The following BNIP3L variants were observed in gnomAD, a reference collection of about 807,000 sequenced individuals.
BNIP3L encodes the protein BCL2/adenovirus E1B 19 kDa protein-interacting protein 3-like.
In BNIP3L, 10 loss-of-function variants were observed where a neutral mutation model predicts 25.5. The observed-to-expected ratio is 0.39, with a 90% CI of 0.24 to 0.67. The LOEUF is 0.67. BNIP3L is among the 30% of genes least tolerant of loss of function. BNIP3L has a pLI of 0.45. For synonymous variants in BNIP3L, 113 were observed against 101.2 expected, an observed-to-expected ratio of 1.12 and a Z score of -0.70; for missense variants, 215 against 270.9, an observed-to-expected ratio of 0.79 and a Z score of 1.45.
chr8:26,383,067 TG>T lies in BNIP3L; in HGVS notation c.-63del. The T allele has an allele frequency of 6.9e-7, 1 of 1,450,524 alleles. No homozygotes were observed. 89.9% of individuals were successfully genotyped at this position (1,450,524 alleles called of 1,614,324 possible). A position where few individuals can be genotyped will look rare whatever the true frequency, so the allele number is the denominator to read the frequency against. On this transcript the variant is annotated 5_prime_UTR_variant, in exon 1 of 6. Coordinates refer to ENST00000380629, the MANE Select transcript of BNIP3L (RefSeq NM_004331.3). ...AAAGGGGGCGGCGGACTCGGCTTGT[TG>T]TGTTGCTGCCTGAGTGCCGGAGACG...
Position 26,410,580 on chromosome 8 carries a change from AGGC to A in BNIP3L, c.*169_*171del. Reference sequence around the variant, plus strand: ...TCAATATTTTATTCAAACTCTGTTGAGGCATTTTACTAACCTTATACCCTTTTT... The same window carrying A: ...TCAATATTTTATTCAAACTCTGTTGAATTTTACTAACCTTATACCCTTTTT... On this transcript the variant is annotated 3_prime_UTR_variant, in exon 6 of 6. Coordinates refer to ENST00000380629, the MANE Select transcript of BNIP3L (RefSeq NM_004331.3). 3.8e-6 allele frequency: 3 copies of A among 799,348 alleles called. No homozygotes were observed. The highest frequency in any genetic ancestry group is 6.1e-6 in the Non-Finnish European group (3 of 488,960). 49.5% of individuals were successfully genotyped at this position (799,348 alleles called of 1,614,324 possible). A position where few individuals can be genotyped will look rare whatever the true frequency, so the allele number is the denominator to read the frequency against.
At chr8:26,390,354 C>G in intron 1 of BNIP3L, 3 of 985,284 alleles carry the variant, frequency 3.0e-6, no homozygotes, top group Non-Finnish European at 3.6e-6. Flanking sequence ...GGCACATCCC[C>G]TTTTTCTGTG....
intron 3 of BNIP3L, among the ~76,000 whole-genome samples, chr8:26,398,040 C>A (rs1442924910): frequency 1.8e-5 from 1 of 55,508 alleles, no homozygotes; most frequent in Non-Finnish European, 3.6e-5. Flanking sequence ...TTTAACACCC[C>A]ACTGTCAATA....
rs762428839 is a variant in BNIP3L at position 26,383,119 on chromosome 8, A to C, written c.-12A>C. The C allele has an allele frequency of 6.2e-7, 1 of 1,601,998 alleles. No homozygotes were observed. The highest frequency in any genetic ancestry group is 1.1e-5 in the South Asian group (1 of 89,972). The stretch of plus-strand genomic sequence containing the variant: ...GTCCTGCTGCTGCCGCAGTCCTGCC[A>C]GCTGTCCGACAATGTCGTCCCACCT... On this transcript the variant is annotated 5_prime_UTR_variant, in exon 1 of 6. Coordinates refer to ENST00000380629, the MANE Select transcript of BNIP3L (RefSeq NM_004331.3).
chr8:26,402,058 A>G (rs1265572070), intron 3 of BNIP3L, among the ~76,000 whole-genome samples: 3 of 152,190 alleles, frequency 2.0e-5, no homozygotes, highest in South Asian at 2.1e-4. Context: ...TCGGGTTCTC[A>G]CTATTCTGTG....
rs1160227676 is a variant in BNIP3L, at chr8:26,407,013, G to C, written c.358-987G>C. 6.3e-5 allele frequency among the ~76,000 whole-genome samples: 9 copies of C among 143,972 alleles called. No homozygotes were observed. The East Asian group carries it at 1.8e-3, about 29-fold the overall frequency. 94.5% of individuals were successfully genotyped at this position (143,972 alleles called of 152,430 possible). A position where few individuals can be genotyped will look rare whatever the true frequency, so the allele number is the denominator to read the frequency against. On this transcript the variant is annotated intron_variant, in intron 3 of 5. Transcript: ENST00000380629. The stretch of plus-strand genomic sequence containing the variant: ...TTTTTTTTTTTCTTTTTTTTGTTGA[G>C]ATGGAATCTCACTCTATCACCCAGG...
intron 3 of BNIP3L, chr8:26,396,013 A>T (rs1484395380): frequency 1.3e-5 from 2 of 152,026 alleles, no homozygotes; most frequent in Non-Finnish European, 2.9e-5. Flanking sequence ...CAGCAGTCTG[A>T]GATCAAACTG....
chr8:26,383,326 C>T lies in BNIP3L; in HGVS notation c.100+96C>T, dbSNP rs111642068. 3.7e-4 allele frequency: 558 copies of T among 1,517,732 alleles called. 11 individuals are homozygous for T. The African/African-American group carries it at 6.8e-3, about 19-fold the overall frequency. 94.0% of individuals were successfully genotyped at this position (1,517,732 alleles called of 1,614,324 possible). A position where few individuals can be genotyped will look rare whatever the true frequency, so the allele number is the denominator to read the frequency against. ...CGGCGCGGGAGGCGGGAGGAGAAGG[C>T]AGCTCATTGGCTCAGGCATGGGATG... On this transcript the variant is annotated intron_variant, in intron 1 of 5. Transcript: ENST00000380629.
In BNIP3L at chr8:26,408,207, C is replaced by T. The variant is rs1806542579; in HGVS notation, c.462-20C>T. 2.5e-6 allele frequency: 4 copies of T among 1,612,418 alleles called. No individual in the cohort carries two copies. The highest frequency in any genetic ancestry group is 1.3e-5 in the African/African-American group (1 of 74,856). ...CGATATTTTCAGCAAATGACATCTGCCTCTGAATTTCTTTCTCAGGGAGTT... is the reference window on the plus strand; with the variant it reads ...CGATATTTTCAGCAAATGACATCTGTCTCTGAATTTCTTTCTCAGGGAGTT... On this transcript the variant is annotated intron_variant, in intron 4 of 5. Coordinates refer to ENST00000380629, the MANE Select transcript of BNIP3L (RefSeq NM_004331.3).
intron 2 of BNIP3L, among the ~76,000 whole-genome samples, chr8:26,392,448 A>C (rs1022905005): frequency 7.2e-5 from 11 of 152,202 alleles, no homozygotes; most frequent in Non-Finnish European, 1.6e-4. Flanking sequence ...TACTTATCAG[A>C]AGAAGTGAAA....
chr8:26,389,757 G>A (rs1806064735), intron 1 of BNIP3L, among the ~76,000 whole-genome samples: 2 of 152,222 alleles, frequency 1.3e-5, no homozygotes, highest in East Asian at 1.9e-4. Context: ...CACACAGGTA[G>A]ACAGGAAGTG....
In BNIP3L at chr8:26,411,450, A is replaced by G. The variant is rs748856343; in HGVS notation, c.*1038A>G. The G allele has an allele frequency of 2.6e-5, 4 of 152,252 alleles. No individual in the cohort carries two copies. The highest frequency in any genetic ancestry group is 4.8e-5 in the African/African-American group (2 of 41,462). 9.4% of individuals were successfully genotyped at this position (152,252 alleles called of 1,614,324 possible). On this transcript the variant is annotated 3_prime_UTR_variant, in exon 6 of 6. Coordinates refer to ENST00000380629, the MANE Select transcript of BNIP3L (RefSeq NM_004331.3). ...CAGAGTTATTCCAAGCACTTGTGCA[A>G]CTTGGAAAAACAGACTTGGGTTGTG...
At chr8:26,383,460 C>T (rs1173084333) in intron 1 of BNIP3L, 213 of 1,267,310 alleles carry the variant, frequency 1.7e-4, no homozygotes, top group Middle Eastern at 3.2e-4. Context: ...TTTGGGCTCG[C>T]GGTCCGGGAG....
chr8:26,410,527 A>G lies in BNIP3L; in HGVS notation c.*115A>G, dbSNP rs1806598843. ...TGACCCAACCTACCACCCTGTTTTTACATATCCAATTCCAGTAACTCTCAA... is the reference window on the plus strand; with the variant it reads ...TGACCCAACCTACCACCCTGTTTTTGCATATCCAATTCCAGTAACTCTCAA... On this transcript the variant is annotated 3_prime_UTR_variant, in exon 6 of 6. Coordinates refer to ENST00000380629, the MANE Select transcript of BNIP3L (RefSeq NM_004331.3). 1.7e-6 allele frequency: 2 copies of G among 1,185,662 alleles called. No homozygotes were observed. The highest frequency in any genetic ancestry group is 3.7e-5 in the Admixed American group (2 of 53,438). The allele number at this position is 1,185,662 out of a possible 1,614,324, so 73.4% of individuals were successfully genotyped here.
At chr8:26,401,349 A>C (rs1238196548) in intron 3 of BNIP3L, among the ~76,000 whole-genome samples, 1 of 147,588 alleles carries the variant, frequency 6.8e-6, no homozygotes, top group East Asian at 2.0e-4. Context: ...TCTCACTCAT[A>C]GGTGGGAATT....
chr8:26,386,902 A>G lies in BNIP3L; in HGVS notation c.100+3672A>G, dbSNP rs555246459. On this transcript the variant is annotated intron_variant, in intron 1 of 5. Coordinates refer to ENST00000380629, the MANE Select transcript of BNIP3L (RefSeq NM_004331.3). ...CAAAAATTTATTTATTTATTTTTTT[A>G]TTTAAGAAGAATGCCAGTAACTCTT... Among the ~76,000 whole-genome samples the G allele has an allele frequency of 1.2e-3, 179 of 152,272 alleles. 1 individual carries two copies. The highest frequency in any genetic ancestry group is 4.2e-3 in the African/African-American group (174 of 41,564).
intron 5 of BNIP3L, among the ~76,000 whole-genome samples, chr8:26,409,564 G>A (rs970054784): frequency 1.3e-5 from 2 of 152,090 alleles, no homozygotes; most frequent in Admixed American, 1.3e-4. Context: ...GTGCAGAAGG[G>A]GACTGTGTGA....
intron 3 of BNIP3L, among the ~76,000 whole-genome samples, chr8:26,396,223 T>C (rs1686729610): frequency 8.5e-6 from 1 of 117,010 alleles, no homozygotes; most frequent in Admixed American, 8.8e-5. Context: ...TAAATGTCCC[T>C]GTCTGACAGC....
At chr8:26,409,422 A>G (rs1375308041) in intron 5 of BNIP3L, among the ~76,000 whole-genome samples, 4 of 152,150 alleles carry the variant, frequency 2.6e-5, no homozygotes, top group Non-Finnish European at 5.9e-5. Flanking sequence ...CATATTGGAG[A>G]GAGATTCTTA....
Sources: gnomAD v4.1 joint callset for allele counts (sites outside exome capture counted in the v4.1 genomes callset) on GRCh38, gnomAD v4.1.1 for gene constraint, MANE v1.5 for transcripts, NCBI Gene and HGNC (gene_info 2026-07-23, HGNC 2026-07-21) for gene names.